The following AGMO variants were observed in gnomAD, a reference collection of about 807,000 sequenced individuals.
AGMO encodes the protein glyceryl-ether monooxygenase.
A neutral mutation model predicts 60.2 loss-of-function variants in AGMO; 75 were observed. That is an observed-to-expected ratio of 1.25 (90% CI 1.03 to 1.51). The LOEUF (loss-of-function observed/expected upper bound fraction) is 1.51, where lower values mean the gene tolerates loss of function less well. AGMO is among the 40% of genes most tolerant of loss of function. AGMO has a pLI of 0.00. For missense variants in AGMO, 763 were observed against 525.5 expected, an observed-to-expected ratio of 1.45 and a Z score of -4.42; for synonymous variants, 261 against 177.1, an observed-to-expected ratio of 1.47 and a Z score of -3.76.
chr7:15,431,005 C>G lies in AGMO; in HGVS notation c.513G>C (p.Trp171Cys). The G allele has an allele frequency of 1.9e-6, 3 of 1,566,418 alleles. No individual in the cohort carries two copies. The highest frequency in any genetic ancestry group is 2.6e-6 in the Non-Finnish European group (3 of 1,147,580). The change falls in exon 4 of 13, where the codon TGG becomes TGC. Residue 171 changes from tryptophan to cysteine, a missense_variant and splice_region_variant. By Grantham distance (215) the Trp-to-Cys change is radical. Transcript: ENST00000342526. ...GTTTATTCCATTTCATACAACTTAC[C>G]CAGGAAGTATATATCTGGAGGACAG... The part of the protein sequence containing the change: ...RQSVLQIYTS[W>C]IFYSPLALFI...
intron 12 of AGMO, among the ~76,000 whole-genome samples, chr7:15,360,863 T>C (rs1782723320): frequency 6.6e-6 from 1 of 152,150 alleles, no homozygotes; most frequent in Admixed American, 6.5e-5. Context: ...CATGCCCTCA[T>C]GCCCACACCT....
intron 5 of AGMO, chr7:15,396,516 T>G (rs150263994): frequency 1.3e-5 from 2 of 152,184 alleles, no homozygotes; most frequent in African/African-American, 4.8e-5. Context: ...CAGCAATACA[T>G]ACATTGCAAA....
chr7:15,501,543 A>C (rs560704547), intron 3 of AGMO, among the ~76,000 whole-genome samples: 1 of 152,136 alleles, frequency 6.6e-6, no homozygotes, highest in East Asian at 1.9e-4. Context: ...TTTAAGTCAA[A>C]TCAAATTAAT....
chr7:15,197,647 G>A (rs1459721321), downstream of AGMO, among the ~76,000 whole-genome samples: 17 of 152,158 alleles, frequency 1.1e-4, no homozygotes, highest in Non-Finnish European at 1.5e-5. Context: ...TCAGACATAT[G>A]GCAATCCTAT....
intron 12 of AGMO, among the ~76,000 whole-genome samples, chr7:15,349,774 G>T (rs1782168589): frequency 6.6e-6 from 1 of 152,126 alleles, no homozygotes; most frequent in African/African-American, 2.4e-5. Flanking sequence ...CAGAAGAAAA[G>T]AATGGGTGTC....
In AGMO at chr7:15,531,023, T is replaced by C. The variant is rs1395532034; in HGVS notation, c.409+13749A>G. ...CTATATATTCTATATATATTCTATA[T>C]ATTCCATATATATTCTATATATATT... is the stretch of plus-strand genomic sequence containing the variant. On this transcript the variant is annotated intron_variant, in intron 3 of 12. Coordinates refer to ENST00000342526, the MANE Select transcript of AGMO (RefSeq NM_001004320.2). Among the ~76,000 whole-genome samples, 11 of 46,592 alleles carry C rather than the reference T, an allele frequency of 2.4e-4. 3 individuals carry two copies. 30.6% of individuals were successfully genotyped at this position (46,592 alleles called of 152,430 possible). A position where few individuals can be genotyped will look rare whatever the true frequency, so the allele number is the denominator to read the frequency against.
At chr7:15,138,099 C>T in the AGMO span, among the ~76,000 whole-genome samples, 1 of 152,174 alleles carries the variant, frequency 6.6e-6, no homozygotes, top group East Asian at 1.9e-4. Flanking sequence ...CATTCACTGT[C>T]TCACCAGCCC....
the AGMO span, among the ~76,000 whole-genome samples, chr7:15,148,407 G>GGT: frequency 6.6e-6 from 1 of 151,854 alleles, no homozygotes; most frequent in East Asian, 1.9e-4. Context: ...GCTGGGGTTT[G>GGT]GTGTACAAGT....
At chr7:15,540,206 C>A (rs1784589497) in intron 3 of AGMO, among the ~76,000 whole-genome samples, 2 of 152,150 alleles carry the variant, frequency 1.3e-5, no homozygotes, top group Non-Finnish European at 1.5e-5. Context: ...ACTCACACCA[C>A]CCCCAGGTCT....
chr7:15,455,470 T>C (rs1273020620), intron 3 of AGMO, among the ~76,000 whole-genome samples: 3 of 152,056 alleles, frequency 2.0e-5, no homozygotes, highest in Admixed American at 2.0e-4. Context: ...CCTAGTAGGA[T>C]TTCCCTCCAC....
At chr7:15,216,787 A>G (rs2128495440) in intron 12 of AGMO, among the ~76,000 whole-genome samples, 1 of 151,994 alleles carries the variant, frequency 6.6e-6, no homozygotes, top group African/African-American at 2.4e-5. Flanking sequence ...TCAATTGAGC[A>G]TGCATTACGT....
chr7:15,395,060 T>C (rs1422769461), intron 5 of AGMO, among the ~76,000 whole-genome samples: 1 of 152,152 alleles, frequency 6.6e-6, no homozygotes, highest in African/African-American at 2.4e-5. Flanking sequence ...TACTGGACAA[T>C]TTGAGATCTT....
At chr7:15,304,435 G>C (rs1780551724) in intron 12 of AGMO, among the ~76,000 whole-genome samples, 1 of 152,050 alleles carries the variant, frequency 6.6e-6, no homozygotes, top group Non-Finnish European at 1.5e-5. Context: ...TCTCAAATCT[G>C]TTGGTATAAA....
chr7:15,500,836 G>C (rs149991122), intron 3 of AGMO, among the ~76,000 whole-genome samples: 3 of 151,778 alleles, frequency 2.0e-5, no homozygotes, highest in Non-Finnish European at 2.9e-5. Flanking sequence ...GTGCTCTAAG[G>C]TTCCCTCTTA....
chr7:15,225,460 TTTAA>T (rs1782051218), intron 12 of AGMO, among the ~76,000 whole-genome samples: 1 of 151,968 alleles, frequency 6.6e-6, no homozygotes, highest in African/African-American at 2.4e-5. Flanking sequence ...ATAGTATAAT[TTTAA>T]TTATTATTTC....
intron 3 of AGMO, among the ~76,000 whole-genome samples, chr7:15,486,971 C>T (rs1051660752): frequency 6.6e-6 from 1 of 152,202 alleles, no homozygotes; most frequent in African/African-American, 2.4e-5. Context: ...CCAACAGGCG[C>T]ATCCTCCACC....
intron 12 of AGMO, among the ~76,000 whole-genome samples, chr7:15,290,967 C>G (rs566965826): frequency 6.6e-6 from 1 of 152,020 alleles, no homozygotes; most frequent in Non-Finnish European, 1.5e-5. Flanking sequence ...ATAATAGAGT[C>G]TAGTCAGCCA....
intron 3 of AGMO, among the ~76,000 whole-genome samples, chr7:15,432,684 T>A (rs1199641708): frequency 2.0e-5 from 3 of 151,924 alleles, no homozygotes; most frequent in Non-Finnish European, 4.4e-5. Context: ...GGTGATTTAA[T>A]TATTTTAATC....
chr7:15,327,503 T>G (rs1256452119), intron 12 of AGMO, among the ~76,000 whole-genome samples: 2 of 152,130 alleles, frequency 1.3e-5, no homozygotes, highest in South Asian at 2.1e-4. Context: ...ACACCTAGAA[T>G]GCATCAGCCA....
Sources: gnomAD v4.1 joint callset for allele counts (sites outside exome capture counted in the v4.1 genomes callset) on GRCh38, gnomAD v4.1.1 for gene constraint, MANE v1.5 for transcripts, NCBI Gene and HGNC (gene_info 2026-07-23, HGNC 2026-07-21) for gene names.